The following ZNF385D variants were observed in gnomAD, a reference collection of about 807,000 sequenced individuals.
ZNF385D encodes the protein zinc finger protein 385D.
In ZNF385D, 15 loss-of-function variants were observed where a neutral mutation model predicts 35.8. That is an observed-to-expected ratio of 0.42 (90% CI 0.28 to 0.64). The LOEUF is 0.64. ZNF385D is among the 30% of genes least tolerant of loss of function. The pLI is 0.23. For missense variants in ZNF385D, 474 were observed against 494.6 expected, an observed-to-expected ratio of 0.96 and a Z score of 0.39; for synonymous variants, 212 against 186.8, an observed-to-expected ratio of 1.13 and a Z score of -1.10.
chr3:21,623,210 A>G (rs1334850508), intron 2 of ZNF385D, among the ~76,000 whole-genome samples: 1 of 152,164 alleles, frequency 6.6e-6, no homozygotes, highest in Non-Finnish European at 1.5e-5. Flanking sequence ...ATGTAGTTCA[A>G]GCACTTATGC....
At chr3:22,133,843 C>A (rs1408431432) in intron 3 of ZNF385D, 3 of 151,902 alleles carry the variant, frequency 2.0e-5, no homozygotes, top group Non-Finnish European at 4.4e-5. Flanking sequence ...GTGGAAATTG[C>A]TCTTAGCACC....
chr3:21,670,646 A>G (rs2066539117), intron 1 of ZNF385D, among the ~76,000 whole-genome samples: 1 of 49,646 alleles, frequency 2.0e-5, no homozygotes, highest in Non-Finnish European at 3.7e-5. Context: ...TGAAATCCTA[A>G]GGCGCCCCCC....
chr3:21,798,795 C>T (rs35616038), intron 3 of ZNF385D, among the ~76,000 whole-genome samples: 7,602 of 152,128 alleles, frequency 0.05, 461 homozygotes, highest in East Asian at 0.3. Context: ...CTCAGTGATA[C>T]TTTATTTTAT....
chr3:21,659,812 T>G (rs915547127), intron 2 of ZNF385D, among the ~76,000 whole-genome samples: 1 of 152,050 alleles, frequency 6.6e-6, no homozygotes, highest in African/African-American at 2.4e-5. Flanking sequence ...AGTGTAAAAA[T>G]TGTTCAATGT....
chr3:21,975,554 G>A (rs996867247), intron 3 of ZNF385D, among the ~76,000 whole-genome samples: 1 of 151,806 alleles, frequency 6.6e-6, no homozygotes, highest in African/African-American at 2.4e-5. Context: ...CATATAATTT[G>A]GTTGTAACAC....
At chr3:21,737,559 C>A (rs1341024450) in intron 1 of ZNF385D, among the ~76,000 whole-genome samples, 1 of 152,022 alleles carries the variant, frequency 6.6e-6, no homozygotes, top group African/African-American at 2.4e-5. Flanking sequence ...AGAATTTAGT[C>A]TCTCAAATAC....
chr3:22,295,543 G>T lies in ZNF385D; in HGVS notation c.106+76907C>A, dbSNP rs988582126. Among the ~76,000 whole-genome samples the T allele has an allele frequency of 4.6e-5, 7 of 152,230 alleles. No homozygotes were observed. The South Asian group carries it at 8.3e-4, about 18-fold the overall frequency. On this transcript the variant is annotated intron_variant, in intron 2 of 5. Coordinates refer to the ZNF385D transcript ENST00000494108. The stretch of plus-strand genomic sequence containing the variant: ...TCAAATAATCAGAAAGTCACAATGG[G>T]ACATTCATATATGACAGCATATAAA...
intron 3 of ZNF385D, among the ~76,000 whole-genome samples, chr3:21,931,358 G>T (rs1700998355): frequency 6.6e-6 from 1 of 152,122 alleles, no homozygotes; most frequent in Admixed American, 6.5e-5. Flanking sequence ...ACATAAAATG[G>T]TATGATCACC....
intron 3 of ZNF385D, among the ~76,000 whole-genome samples, chr3:21,801,714 G>A (rs1322963181): frequency 6.6e-6 from 1 of 152,080 alleles, no homozygotes; most frequent in East Asian, 1.9e-4. Flanking sequence ...CAGCCCCTGG[G>A]TGCCCACAGA....
intron 2 of ZNF385D, among the ~76,000 whole-genome samples, chr3:22,337,318 G>C (rs1369355551): frequency 6.6e-6 from 1 of 152,116 alleles, no homozygotes; most frequent in Admixed American, 6.5e-5. Flanking sequence ...CAGCTCACTT[G>C]AGGCCAGGAG....
intron 1 of ZNF385D, among the ~76,000 whole-genome samples, chr3:21,725,983 T>C (rs1257112957): frequency 6.6e-6 from 1 of 152,116 alleles, no homozygotes; most frequent in Non-Finnish European, 1.5e-5. Flanking sequence ...TCCACTACGA[T>C]CAAGTCGGCT....
chr3:21,717,379 G>C (rs989727275), intron 1 of ZNF385D, among the ~76,000 whole-genome samples: 3 of 152,146 alleles, frequency 2.0e-5, no homozygotes, highest in African/African-American at 7.2e-5. Flanking sequence ...GACAGTATTT[G>C]GAACGCACAT....
chr3:21,885,161 G>A (rs1463544371), intron 3 of ZNF385D, among the ~76,000 whole-genome samples: 1 of 151,966 alleles, frequency 6.6e-6, no homozygotes, highest in South Asian at 2.1e-4. Context: ...ATATGCAGCT[G>A]TTACATTGAG....
intron 3 of ZNF385D, among the ~76,000 whole-genome samples, chr3:22,128,577 G>A (rs1219684370): frequency 6.6e-6 from 1 of 151,374 alleles, no homozygotes; most frequent in Non-Finnish European, 1.5e-5. Context: ...TATTCTTTTT[G>A]TCTCCTCTGT....
chr3:22,066,993 T>C (rs1464441899), intron 3 of ZNF385D, among the ~76,000 whole-genome samples: 1 of 152,194 alleles, frequency 6.6e-6, no homozygotes, highest in Non-Finnish European at 1.5e-5. Flanking sequence ...ATTATGAAAG[T>C]CTAGATCACG....
At chr3:21,970,713 T>A (rs190706480) in intron 3 of ZNF385D, among the ~76,000 whole-genome samples, 2 of 151,954 alleles carry the variant, frequency 1.3e-5, no homozygotes, top group Admixed American at 1.3e-4. Context: ...GTACAAGAAG[T>A]TTATAGAACA....
At chr3:22,317,427 C>A (rs184261170) in intron 2 of ZNF385D, among the ~76,000 whole-genome samples, 2 of 152,080 alleles carry the variant, frequency 1.3e-5, no homozygotes, top group South Asian at 2.1e-4. Context: ...GGAGTCATCA[C>A]CACCTCTAGA....
At position 22,242,594 on chromosome 3, in the gene ZNF385D, A is replaced by C. The variant is rs1027979289; in HGVS notation, c.107-73559T>G. Among the ~76,000 whole-genome samples the C allele has an allele frequency of 6.6e-5, 10 of 151,052 alleles. 1 individual carries two copies. Among genetic ancestry groups the C allele is most frequent in the African/African-American group, 2.4e-4 (10 of 40,822 alleles). ...ACTCTTAAAATCAGCCAAGGTTATA[A>C]CGAAGGAAATATTGAGGAAAGATTG... On this transcript the variant is annotated intron_variant, in intron 2 of 5. Coordinates refer to the ZNF385D transcript ENST00000494108.
intron 2 of ZNF385D, among the ~76,000 whole-genome samples, chr3:22,226,993 G>A (rs1396624689): frequency 6.6e-6 from 1 of 152,090 alleles, no homozygotes; most frequent in East Asian, 1.9e-4. Flanking sequence ...TGTTACTCAT[G>A]GTGTGATTCA....
Sources: allele counts gnomAD v4.1 joint callset (sites outside exome capture counted in the v4.1 genomes callset), GRCh38; gene constraint gnomAD v4.1.1; transcripts MANE v1.5; gene names NCBI Gene and HGNC (gene_info 2026-07-23, HGNC 2026-07-21).